Variants in PARD3B observed in about 807,000 individuals in gnomAD.
The protein encoded by PARD3B is par-3 family cell polarity regulator beta.
PARD3B carries 103 observed loss-of-function variants against 130.2 expected under a neutral mutation model. The observed-to-expected ratio is 0.79, with a 90% CI of 0.67 to 0.93. The LOEUF (loss-of-function observed/expected upper bound fraction) is 0.93, where lower values mean the gene tolerates loss of function less well. PARD3B is among the 40% of genes least tolerant of loss of function. The pLI is 0.00. For missense variants in PARD3B, 1,609 were observed against 1,499.2 expected, an observed-to-expected ratio of 1.07 and a Z score of -1.21; for synonymous variants, 583 against 553.2, an observed-to-expected ratio of 1.05 and a Z score of -0.76.
chr2:204,819,592 A>G (rs2043264197), intron 2 of PARD3B, among the ~76,000 whole-genome samples: 1 of 152,180 alleles, frequency 6.6e-6, no homozygotes, highest in South Asian at 2.1e-4. Flanking sequence ...CTTTAAATCA[A>G]AAGCTAAAAA....
At chr2:205,020,256 C>T (rs982839089) in intron 3 of PARD3B, among the ~76,000 whole-genome samples, 2 of 152,054 alleles carry the variant, frequency 1.3e-5, no homozygotes, top group Non-Finnish European at 2.9e-5. Flanking sequence ...CCTTTTTATC[C>T]CTTGTGTGGC....
chr2:204,912,406 TATC>T (rs1239029209), intron 2 of PARD3B, among the ~76,000 whole-genome samples: 2 of 152,200 alleles, frequency 1.3e-5, no homozygotes, highest in East Asian at 3.8e-4. Context: ...TTGCATTTGT[TATC>T]ATGTCATATT....
Position 205,011,498 on chromosome 2 carries a change from C to T in PARD3B, c.395-36083C>T, listed in dbSNP as rs1242958095. On this transcript the variant is annotated intron_variant, in intron 3 of 22. Coordinates refer to ENST00000406610, the MANE Select transcript of PARD3B (RefSeq NM_001302769.2). The surrounding 1 kb of genome is among the most constrained non-coding windows in gnomAD (Gnocchi z 4.1). ...GAAGTGCAGTTTTATAACCTAATCT[C>T]AGAATGGACATACCAGTACTTCTTT... Among the ~76,000 whole-genome samples the T allele has an allele frequency of 6.6e-6, 1 of 152,226 alleles. No homozygotes were observed. Among genetic ancestry groups the T allele is most frequent in the African/African-American group, 2.4e-5 (1 of 41,468 alleles).
At chr2:205,319,170 A>G (rs1366121423) in intron 18 of PARD3B, among the ~76,000 whole-genome samples, 1 of 151,892 alleles carries the variant, frequency 6.6e-6, no homozygotes, top group South Asian at 2.1e-4. Context: ...GCATCTGGTC[A>G]CCCAGCTACA....
chr2:204,603,408 G>T (rs1026758233), intron 1 of PARD3B, among the ~76,000 whole-genome samples: 74 of 152,012 alleles, frequency 4.9e-4, no homozygotes, highest in African/African-American at 1.8e-3. Context: ...TGTTTCAGTG[G>T]TTATTGTTTG....
chr2:205,524,681 T>C (rs767346060), intron 21 of PARD3B, among the ~76,000 whole-genome samples: 2 of 152,220 alleles, frequency 1.3e-5, no homozygotes, highest in South Asian at 2.1e-4. Context: ...CCAGGTGTGC[T>C]GTTCAGAATG....
chr2:205,574,675 G>GAA (rs2053682517), intron 22 of PARD3B, among the ~76,000 whole-genome samples: 1 of 152,044 alleles, frequency 6.6e-6, no homozygotes, highest in Non-Finnish European at 1.5e-5. Context: ...CATGCTGCCT[G>GAA]AACATTTAGC....
At chr2:204,858,446 C>T (rs2045044434) in intron 2 of PARD3B, among the ~76,000 whole-genome samples, 1 of 134,524 alleles carries the variant, frequency 7.4e-6, no homozygotes, top group African/African-American at 2.8e-5. Flanking sequence ...CTAAATGAAA[C>T]AAGCCAGACA....
chr2:205,054,374 GA>G (rs1699442791), intron 4 of PARD3B, among the ~76,000 whole-genome samples: 1 of 115,642 alleles, frequency 8.6e-6, no homozygotes, highest in Admixed American at 1.1e-4. Flanking sequence ...GTCAATTTCA[GA>G]AATTAACAAG....
intron 3 of PARD3B, among the ~76,000 whole-genome samples, chr2:205,020,991 C>G (rs1696553044): frequency 6.6e-6 from 1 of 152,114 alleles, no homozygotes; most frequent in African/African-American, 2.4e-5. Context: ...GAAATTTGAC[C>G]AGGAAGGGAC....
intron 20 of PARD3B, among the ~76,000 whole-genome samples, chr2:205,462,759 T>C (rs370347861): frequency 2.6e-5 from 4 of 152,292 alleles, no homozygotes; most frequent in African/African-American, 9.6e-5. Context: ...TTGTCCAGAA[T>C]ATAATGTATG....
chr2:204,729,980 C>G (rs957977430), intron 2 of PARD3B, among the ~76,000 whole-genome samples: 1 of 137,800 alleles, frequency 7.3e-6, no homozygotes, highest in Non-Finnish European at 1.5e-5. Flanking sequence ...TTTCTAGTTA[C>G]AGATACACAC....
intron 21 of PARD3B, among the ~76,000 whole-genome samples, chr2:205,544,611 C>G (rs753581127): frequency 1.3e-5 from 2 of 152,148 alleles, no homozygotes; most frequent in Non-Finnish European, 2.9e-5. Context: ...ACAATCATAA[C>G]AGAGACAGTT....
chr2:204,962,840 C>T (rs540395426), intron 2 of PARD3B, among the ~76,000 whole-genome samples: 1 of 152,284 alleles, frequency 6.6e-6, no homozygotes, highest in African/African-American at 2.4e-5. Flanking sequence ...CAGACTTTTT[C>T]ATCCATTCAC....
chr2:204,651,882 G>A (rs1275736322), intron 1 of PARD3B, among the ~76,000 whole-genome samples: 2 of 152,166 alleles, frequency 1.3e-5, no homozygotes, highest in African/African-American at 4.8e-5. Flanking sequence ...TAAGGCTTGG[G>A]GCTTGCACCC....
At chr2:205,383,113 T>G (rs568047062) in intron 18 of PARD3B, among the ~76,000 whole-genome samples, 4 of 149,450 alleles carry the variant, frequency 2.7e-5, no homozygotes, top group Admixed American at 6.8e-5. Context: ...GATAGATAGA[T>G]AGATAGATAG....
intron 2 of PARD3B, among the ~76,000 whole-genome samples, chr2:204,948,775 T>G (rs2125820358): frequency 6.6e-6 from 1 of 152,344 alleles, no homozygotes; most frequent in Admixed American, 6.5e-5. Flanking sequence ...GCTTTTTCTT[T>G]TGGTGATTCA....
chr2:205,158,156 C>G lies in PARD3B; in HGVS notation c.1435-566C>G. Among the ~76,000 whole-genome samples the G allele has an allele frequency of 6.6e-6, 1 of 152,124 alleles. No individual in the cohort carries two copies. Among genetic ancestry groups the G allele is most frequent in the African/African-American group, 2.4e-5 (1 of 41,416 alleles). The stretch of plus-strand genomic sequence containing the variant: ...TCATTTGATGATATCCATTATAAAT[C>G]GTTTTTCTCTAACTTTAAAGTAACA... On this transcript the variant is annotated intron_variant, in intron 10 of 22. Coordinates refer to ENST00000406610, the MANE Select transcript of PARD3B (RefSeq NM_001302769.2). This position sits in a 1 kb window ranked among gnomAD's most constrained non-coding sequence, Gnocchi z 5.4.
chr2:205,442,062 A>G (rs1480093382), intron 20 of PARD3B, among the ~76,000 whole-genome samples: 1 of 152,138 alleles, frequency 6.6e-6, no homozygotes, highest in Non-Finnish European at 1.5e-5. Context: ...ACCATAGTCA[A>G]TCTTACCTTC....
Sources: allele counts gnomAD v4.1 joint callset (sites outside exome capture counted in the v4.1 genomes callset), GRCh38; gene constraint gnomAD v4.1.1; non-coding constraint Gnocchi (gnomAD v3.1); transcripts MANE v1.5; gene names NCBI Gene and HGNC (gene_info 2026-07-23, HGNC 2026-07-21).